DLGAP2: variants seen among roughly 807,000 people sequenced by gnomAD.
The protein encoded by DLGAP2 is DLG associated protein 2.
DLGAP2 carries 26 observed loss-of-function variants against 100.3 expected under a neutral mutation model. The ratio of observed to expected loss-of-function variants is 0.26; its 90% CI spans 0.19 to 0.36. The LOEUF (loss-of-function observed/expected upper bound fraction) is 0.36, where lower values mean the gene tolerates loss of function less well. Among genes scored for constraint, DLGAP2 ranks in the 10% least tolerant of loss-of-function variants. DLGAP2 has a pLI of 1.00. For missense variants in DLGAP2, 1,858 were observed against 1,453.2 expected (o/e 1.28, Z -4.53); for synonymous variants, 886 against 630.1 (o/e 1.41, Z -6.08).
chr8:755,969 G>A (rs1019755308), intron 1 of DLGAP2, among the ~76,000 whole-genome samples: 1 of 152,220 alleles, frequency 6.6e-6, no homozygotes, highest in African/African-American at 2.4e-5. Context: ...GGTCATCCTA[G>A]TGCTTACCTG....
chr8:1,330,512 G>T (rs1318708218), intron 3 of DLGAP2, among the ~76,000 whole-genome samples: 3 of 147,682 alleles, frequency 2.0e-5, no homozygotes, highest in African/African-American at 7.5e-5. Context: ...CCGCTTCACG[G>T]GGACTGAGTT....
rs1286708097 is a variant in DLGAP2, at chr8:1,623,934, G to C, written c.1443-2806G>C. Among the ~76,000 whole-genome samples the C allele has an allele frequency of 2.6e-5, 4 of 152,202 alleles. No individual in the cohort carries two copies. The East Asian group carries it at 7.7e-4, about 29-fold the overall frequency. The stretch of plus-strand genomic sequence containing the variant: ...GTGTCACACTCCATTTTGAAATAAA[G>C]AGAATCATTGAGAGAATATGTATTT... On this transcript the variant is annotated intron_variant, in intron 6 of 14. Transcript: ENST00000637795.
At chr8:1,434,462 G>A (rs924309246) in intron 3 of DLGAP2, among the ~76,000 whole-genome samples, 1 of 151,600 alleles carries the variant, frequency 6.6e-6, no homozygotes, top group Non-Finnish European at 1.5e-5. Context: ...CCTCCCGGGA[G>A]TGTCAGCATT....
chr8:906,726 G>A (rs1259322847), intron 1 of DLGAP2, among the ~76,000 whole-genome samples: 8 of 152,178 alleles, frequency 5.3e-5, no homozygotes, highest in Non-Finnish European at 1.2e-4. Context: ...CTGTCTCACC[G>A]CGGTTTGTTC....
intron 1 of DLGAP2, among the ~76,000 whole-genome samples, chr8:851,991 C>T (rs970963331): frequency 6.6e-6 from 1 of 152,146 alleles, no homozygotes; most frequent in African/African-American, 2.4e-5. Flanking sequence ...AGCTAGTGGG[C>T]GGCGGTCCTG....
intron 1 of DLGAP2, among the ~76,000 whole-genome samples, chr8:798,837 G>A (rs1230617401): frequency 6.6e-6 from 1 of 150,448 alleles, no homozygotes; most frequent in Admixed American, 6.6e-5. Context: ...GGCGCTGAAA[G>A]CAAACGCTTG....
In DLGAP2 at chr8:894,291, A is replaced by G. The variant is rs138150729; in HGVS notation, c.19-13621A>G. On this transcript the variant is annotated intron_variant, in intron 1 of 14. Coordinates refer to ENST00000637795, the MANE Select transcript of DLGAP2 (RefSeq NM_001346810.2). ...GTTGTCACTCCAGCACGGTCGAGAC[A>G]TCTCTGTGTTACAGAGACTGGTGTG... Among the ~76,000 whole-genome samples, 56 of 152,244 alleles carry G rather than the reference A, an allele frequency of 3.7e-4. 1 individual carries two copies. Among genetic ancestry groups the G allele is most frequent in the African/African-American group, 1.3e-3 (54 of 41,558 alleles).
chr8:1,042,710 G>A (rs1324905527), intron 2 of DLGAP2, among the ~76,000 whole-genome samples: 2 of 151,480 alleles, frequency 1.3e-5, no homozygotes, highest in African/African-American at 2.4e-5. Flanking sequence ...TGTCGGTGGT[G>A]GGTGTGGGTG....
chr8:1,622,512 G>C (rs548335382), intron 6 of DLGAP2: 2 of 152,312 alleles, frequency 1.3e-5, no homozygotes, highest in South Asian at 4.1e-4. Context: ...TCTGAGCCCA[G>C]GATTCAGCAA....
At chr8:1,601,713 T>C (rs1324126260) in intron 6 of DLGAP2, among the ~76,000 whole-genome samples, 1 of 152,168 alleles carries the variant, frequency 6.6e-6, no homozygotes, top group Non-Finnish European at 1.5e-5. Context: ...CCAAGCCTGG[T>C]CTGCTCGTTC....
chr8:1,418,575 G>T (rs1374097014), intron 3 of DLGAP2, among the ~76,000 whole-genome samples: 1 of 152,086 alleles, frequency 6.6e-6, no homozygotes, highest in African/African-American at 2.4e-5. Context: ...GCATTCACAC[G>T]ACACTCCACT....
At chr8:1,678,701 T>A in intron 12 of DLGAP2, 72 bp downstream of exon 12, 1 of 1,387,774 alleles carries the variant, frequency 7.2e-7, no homozygotes, top group Non-Finnish European at 9.3e-7. Context: ...CATCACAGCA[T>A]TAGTGGAGAA....
intron 14 of DLGAP2, among the ~76,000 whole-genome samples, chr8:1,698,508 CCACA>C (rs1232209182): frequency 6.8e-6 from 1 of 147,476 alleles, no homozygotes; most frequent in Non-Finnish European, 1.5e-5. Flanking sequence ...TCCACGTAAG[CCACA>C]CATGGGACAG....
At chr8:750,741 T>G (rs1011760204) in intron 1 of DLGAP2, among the ~76,000 whole-genome samples, 1 of 152,370 alleles carries the variant, frequency 6.6e-6, no homozygotes, top group African/African-American at 2.4e-5. Context: ...GCTCGCCGTC[T>G]GCAGTGTTTC....
At chr8:1,635,613 G>C (rs1311251739) in intron 8 of DLGAP2, among the ~76,000 whole-genome samples, 1 of 152,068 alleles carries the variant, frequency 6.6e-6, no homozygotes, top group Non-Finnish European at 1.5e-5. Flanking sequence ...AGTTATTTTT[G>C]AAAACATTCC....
chr8:1,534,744 G>A (rs1801097367), intron 4 of DLGAP2, among the ~76,000 whole-genome samples: 1 of 151,216 alleles, frequency 6.6e-6, no homozygotes, highest in Non-Finnish European at 1.5e-5. Context: ...TCACAAGGCT[G>A]TGTGTGTTTG....
At chr8:1,314,543 C>G (rs984157571) in intron 3 of DLGAP2, among the ~76,000 whole-genome samples, 4 of 152,200 alleles carry the variant, frequency 2.6e-5, no homozygotes, top group Non-Finnish European at 5.9e-5. Flanking sequence ...CCGAGTTACC[C>G]TCCAGCCACC....
chr8:1,336,483 A>G (rs1801276731), intron 3 of DLGAP2, among the ~76,000 whole-genome samples: 1 of 152,212 alleles, frequency 6.6e-6, no homozygotes. Context: ...CGTTATGAGG[A>G]CGTTCCAGTG....
intron 3 of DLGAP2, among the ~76,000 whole-genome samples, chr8:1,482,102 T>C (rs1327674908): frequency 6.6e-6 from 1 of 152,252 alleles, no homozygotes. Context: ...CAAGTGGCTG[T>C]GTGACATCTG....
Sources: gnomAD v4.1 joint callset for allele counts (sites outside exome capture counted in the v4.1 genomes callset) on GRCh38, gnomAD v4.1.1 for gene constraint, MANE v1.5 for transcripts, NCBI Gene and HGNC (gene_info 2026-07-23, HGNC 2026-07-21) for gene names.